The following STK39 variants were observed in gnomAD, a reference collection of about 807,000 sequenced individuals.
STK39 encodes STE20/SPS1-related proline-alanine-rich protein kinase.
STK39 carries 20 observed loss-of-function variants against 77.8 expected under a neutral mutation model. The observed-to-expected ratio is 0.26, with a 90% CI of 0.18 to 0.37. STK39 has a LOEUF of 0.37. Ranked by LOEUF, STK39 falls within the 10% of genes least tolerant of loss-of-function variation. The pLI, the probability that STK39 is intolerant of heterozygous loss-of-function variation, is 1.00. For synonymous variants in STK39, 246 were observed against 234.1 expected (o/e 1.05, Z -0.47); for missense variants, 479 against 656.5 (o/e 0.73, Z 2.95).
At chr2:168,152,870 T>C (rs1688326727) in intron 5 of STK39, among the ~76,000 whole-genome samples, 1 of 152,214 alleles carries the variant, frequency 6.6e-6, no homozygotes, top group African/African-American at 2.4e-5. Flanking sequence ...GCAATATTCA[T>C]ATACCTGCAG....
intron 17 of STK39, among the ~76,000 whole-genome samples, chr2:167,958,912 A>G (rs1224079534): frequency 6.6e-6 from 1 of 152,198 alleles, no homozygotes; most frequent in Non-Finnish European, 1.5e-5. Flanking sequence ...GACATGTTTC[A>G]TTATACAATA....
chr2:168,225,650 C>T (rs751858769), intron 1 of STK39, among the ~76,000 whole-genome samples: 16 of 152,178 alleles, frequency 1.1e-4, no homozygotes, highest in Non-Finnish European at 2.2e-4. Flanking sequence ...TGACTCAAAA[C>T]AATAAACTGC....
Position 168,247,480 on chromosome 2 carries a change from C to A in STK39, c.-45G>T. The A allele has an allele frequency of 7.8e-7, 1 of 1,280,876 alleles. No individual in the cohort carries two copies. Among genetic ancestry groups the A allele is most frequent in the Non-Finnish European group, 1.0e-6 (1 of 998,420 alleles). 79.3% of individuals were successfully genotyped at this position (1,280,876 alleles called of 1,614,324 possible). ...GGAGGACGCGCCGGCCGACGGACGA[C>A]CTTCCACTTGAAACTTCCTTTGCCT... On this transcript the variant is annotated 5_prime_UTR_variant, in exon 1 of 18. Coordinates refer to ENST00000355999, the MANE Select transcript of STK39 (RefSeq NM_013233.3).
intron 10 of STK39, among the ~76,000 whole-genome samples, chr2:168,113,476 A>T (rs757349313): frequency 7.2e-5 from 11 of 152,256 alleles, no homozygotes; most frequent in Non-Finnish European, 1.2e-4. Flanking sequence ...TGCTCCAGTG[A>T]CATTCAGAGT....
Position 168,155,493 on chromosome 2 carries a change from A to G in STK39, c.628+6294T>C, listed in dbSNP as rs114913901. 2.3e-3 allele frequency among the ~76,000 whole-genome samples: 343 copies of G among 152,352 alleles called. 2 individuals carry two copies. Among genetic ancestry groups the G allele is most frequent in the African/African-American group, 7.7e-3 (322 of 41,576 alleles). On this transcript the variant is annotated intron_variant, in intron 5 of 17. Coordinates refer to ENST00000355999, the MANE Select transcript of STK39 (RefSeq NM_013233.3). ...ATTTTGTCGTAATTCATCAAACCAT[A>G]ATTCACATAGTTATAAACTGTTCCT...
intron 16 of STK39, among the ~76,000 whole-genome samples, chr2:167,974,555 T>C (rs1456316732): frequency 1.3e-5 from 2 of 152,208 alleles, no homozygotes; most frequent in Non-Finnish European, 2.9e-5. Context: ...GTATGGGATT[T>C]CTAAAATTCT....
At chr2:168,090,202 T>C (rs764156558) in intron 10 of STK39, among the ~76,000 whole-genome samples, 6 of 152,220 alleles carry the variant, frequency 3.9e-5, no homozygotes, top group Non-Finnish European at 7.3e-5. Flanking sequence ...TGGGAAAGCA[T>C]GTATCCCGAA....
chr2:168,235,367 G>C (rs1389010097), intron 1 of STK39, among the ~76,000 whole-genome samples: 1 of 151,808 alleles, frequency 6.6e-6, no homozygotes, highest in African/African-American at 2.4e-5. Flanking sequence ...TCTAACATCT[G>C]CCTTTCCACC....
intron 1 of STK39, among the ~76,000 whole-genome samples, chr2:168,201,468 A>G (rs1689610434): frequency 6.6e-6 from 1 of 152,196 alleles, no homozygotes; most frequent in African/African-American, 2.4e-5. Context: ...AGGAGCTAGC[A>G]AGCTCTGGCC....
chr2:168,086,296 C>T (rs956764904), intron 10 of STK39, among the ~76,000 whole-genome samples: 3 of 152,134 alleles, frequency 2.0e-5, no homozygotes, highest in Non-Finnish European at 2.9e-5. Flanking sequence ...TACTCCAGGC[C>T]TCTGAACATT....
chr2:168,150,978 T>G (rs978813231), intron 5 of STK39, among the ~76,000 whole-genome samples: 1 of 152,038 alleles, frequency 6.6e-6, no homozygotes, highest in Non-Finnish European at 1.5e-5. Flanking sequence ...CATTTCTATT[T>G]ATTCCTTCTT....
intron 14 of STK39, among the ~76,000 whole-genome samples, chr2:168,029,782 G>A (rs538031782): frequency 8.5e-5 from 13 of 152,324 alleles, no homozygotes; most frequent in African/African-American, 3.1e-4. Flanking sequence ...TAAACCATCT[G>A]TAGGAAGCAG....
chr2:168,047,257 G>T (rs1685268269), intron 14 of STK39, among the ~76,000 whole-genome samples: 3 of 152,154 alleles, frequency 2.0e-5, no homozygotes, highest in African/African-American at 4.8e-5. Context: ...GTAGTCAAAA[G>T]GCCAATCTGA....
intron 16 of STK39, among the ~76,000 whole-genome samples, chr2:167,988,260 T>G (rs1031168016): frequency 6.9e-4 from 105 of 152,296 alleles, no homozygotes; most frequent in African/African-American, 2.5e-3. Context: ...CAGGGGCCAG[T>G]GTGACGTCTA....
intron 5 of STK39, among the ~76,000 whole-genome samples, chr2:168,158,092 A>G (rs1245374229): frequency 6.6e-6 from 1 of 152,138 alleles, no homozygotes; most frequent in Non-Finnish European, 1.5e-5. Context: ...CAGGGCATCA[A>G]ATTGGAAGAT....
intron 10 of STK39, among the ~76,000 whole-genome samples, chr2:168,087,479 T>C (rs1409510583): frequency 6.6e-6 from 1 of 152,228 alleles, no homozygotes; most frequent in African/African-American, 2.4e-5. Context: ...ATAATCTGGG[T>C]GGGCCTGATT....
intron 16 of STK39, among the ~76,000 whole-genome samples, chr2:168,004,386 T>C (rs1684070598): frequency 6.6e-6 from 1 of 152,070 alleles, no homozygotes; most frequent in Non-Finnish European, 1.5e-5. Flanking sequence ...GAAAAAGGTA[T>C]AGATGATGAA....
At chr2:168,162,989 T>C (rs564073149) in intron 4 of STK39, among the ~76,000 whole-genome samples, 22 of 149,914 alleles carry the variant, frequency 1.5e-4, no homozygotes, top group Non-Finnish European at 3.1e-4. Context: ...ATCACACCAT[T>C]GCACTCCAGC....
chr2:168,034,558 A>G (rs1684904890), intron 14 of STK39, among the ~76,000 whole-genome samples: 1 of 152,252 alleles, frequency 6.6e-6, no homozygotes, highest in Non-Finnish European at 1.5e-5. Context: ...CCTCTGCACC[A>G]GAAGACAGAG....
Sources: allele counts gnomAD v4.1 joint callset (sites outside exome capture counted in the v4.1 genomes callset), GRCh38; gene constraint gnomAD v4.1.1; transcripts MANE v1.5; gene names NCBI Gene and HGNC (gene_info 2026-07-23, HGNC 2026-07-21).